The following INO80 variants were observed in gnomAD, a reference collection of about 807,000 sequenced individuals.
INO80 encodes chromatin-remodeling ATPase INO80.
Under a neutral mutation model 203.4 loss-of-function variants are expected in INO80, and 20 were observed. The observed-to-expected ratio is 0.10, with a 90% CI of 0.07 to 0.14. INO80 has a LOEUF of 0.14. Among genes scored for constraint, INO80 ranks in the 10% least tolerant of loss-of-function variants. The probability of loss-of-function intolerance (pLI) is 1.00; values close to 1 mark genes in which losing one functional copy is unlikely to be tolerated. For synonymous variants in INO80, 726 were observed against 685.2 expected, an observed-to-expected ratio of 1.06 and a Z score of -0.93; for missense variants, 1,419 against 1,914.4, an observed-to-expected ratio of 0.74 and a Z score of 4.83.
At chr15:41,095,215 CCTGTAATCCCAGCTA>C (rs1342807353) in intron 4 of INO80, among the ~76,000 whole-genome samples, 1 of 152,138 alleles carries the variant, frequency 6.6e-6, no homozygotes, top group Non-Finnish European at 1.5e-5. Flanking sequence ...GTGGCGCATG[CCTGTAATCCCAGCTA>C]CTCAGGAGGC....
In INO80 at chr15:41,069,515, AGTC is replaced by A. The variant is rs1339153768; in HGVS notation, c.1782+52_1782+54del. ...GTAATTAGTAGGGCAAGAAAAGGAG[AGTC>A]AAAAAGTTTATTTTAAAGAGCAATA... On this transcript the variant is annotated intron_variant, in intron 14 of 35. Transcript: ENST00000648947. 1.6e-5 allele frequency: 17 copies of A among 1,043,622 alleles called. No individual in the cohort carries two copies. The East Asian group carries it at 4.2e-4, about 26-fold the overall frequency. The allele number at this position is 1,043,622 out of a possible 1,614,324, so 64.6% of individuals were successfully genotyped here.
chr15:41,080,107 T>A (rs1468173016), intron 8 of INO80, among the ~76,000 whole-genome samples: 1 of 152,190 alleles, frequency 6.6e-6, no homozygotes, highest in Non-Finnish European at 1.5e-5. Flanking sequence ...ATAAGAAATC[T>A]ATCCAATTTC....
chr15:41,041,460 G>C (rs1289168154), intron 24 of INO80, among the ~76,000 whole-genome samples: 13 of 148,404 alleles, frequency 8.8e-5, no homozygotes, highest in Admixed American at 2.7e-4. Context: ...CTTTTTTTGA[G>C]ACGGAGTTTT....
chr15:40,998,184 C>A (rs2043907157), intron 28 of INO80, among the ~76,000 whole-genome samples: 16 of 151,756 alleles, frequency 1.1e-4, no homozygotes, highest in Admixed American at 1.1e-3. Context: ...ACCACACCTG[C>A]CTAATTTTTA....
chr15:41,065,817 C>A (rs1185606292), intron 14 of INO80, among the ~76,000 whole-genome samples: 1 of 152,026 alleles, frequency 6.6e-6, no homozygotes, highest in Non-Finnish European at 1.5e-5. Context: ...ATAAGCAAAT[C>A]CAGCCACAGC....
At chr15:41,038,439 C>T (rs1238939326) in intron 24 of INO80, among the ~76,000 whole-genome samples, 1 of 152,156 alleles carries the variant, frequency 6.6e-6, no homozygotes, top group Non-Finnish European at 1.5e-5. Flanking sequence ...TTCTCTACAC[C>T]TCCTAACCAG....
Position 41,050,003 on chromosome 15 carries a change from T to C in INO80, c.2374A>G (p.Met792Val), listed in dbSNP as rs951946891. 2.5e-6 allele frequency: 4 copies of C among 1,614,032 alleles called. No individual in the cohort carries two copies. Among genetic ancestry groups the C allele is most frequent in the South Asian group, 1.1e-5 (1 of 91,082 alleles). Residue 792 changes from methionine (M) to valine (V), a missense_variant, in exon 20 of 36, where the codon ATG becomes GTG. Coordinates refer to ENST00000648947, the MANE Select transcript of INO80 (RefSeq NM_017553.3). ...ISIEDLLQSS[M>V]GSTQQAQNTT... is the part of the protein sequence containing the mutation. ...TTCTGTGCTTGTTGGGTAGAGCCCA[T>C]AGAAGACTGCAATAAATCCTCAATG...
At chr15:41,025,607 T>A (rs2044363963) in intron 25 of INO80, among the ~76,000 whole-genome samples, 1 of 152,056 alleles carries the variant, frequency 6.6e-6, no homozygotes, top group African/African-American at 2.4e-5. Flanking sequence ...CCCAGCTACC[T>A]GGGGGGCTGA....
rs1212416933 is a variant in INO80, at chr15:41,039,746, T to C, written c.2907+5158A>G. 2.0e-5 allele frequency among the ~76,000 whole-genome samples: 3 copies of C among 152,206 alleles called. No individual in the cohort carries two copies. The South Asian group carries it at 6.2e-4, about 31-fold the overall frequency. On this transcript the variant is annotated intron_variant, in intron 24 of 35. Coordinates refer to ENST00000648947, the MANE Select transcript of INO80 (RefSeq NM_017553.3). ...ACCTTTGAGGTCAAATAATTTAAAATAGTTTGAAAAACAATGTACAGCATG... is the reference window on the plus strand; with the variant it reads ...ACCTTTGAGGTCAAATAATTTAAAACAGTTTGAAAAACAATGTACAGCATG...
intron 33 of INO80, 34 bp downstream of exon 33, chr15:40,984,163 C>G (rs569617998): frequency 6.2e-7 from 1 of 1,606,166 alleles, no homozygotes; most frequent in Non-Finnish European, 8.5e-7. Context: ...ACACTCCTTA[C>G]GGCTGTGATG....
At chr15:40,983,180 ATT>A in intron 34 of INO80, 103 bp from the exon 35 acceptor site, 1 of 937,060 alleles carries the variant, frequency 1.1e-6, no homozygotes, top group South Asian at 1.6e-5. Context: ...CTCTTAGGGC[ATT>A]TGTTTTAGGA....
intron 16 of INO80, 55 bp downstream of exon 16, chr15:41,058,570 CGTGTGTGTGTGTGT>C (rs67053863): frequency 3.7e-6 from 2 of 542,722 alleles, no homozygotes; most frequent in Admixed American, 3.1e-5. Context: ...TGTGTGTGTG[CGTGTGTGTGTGTGT>C]GTGTGTGTGT....
intron 1 of INO80, among the ~76,000 whole-genome samples, chr15:41,111,158 A>T (rs2045953014): frequency 6.6e-6 from 1 of 152,202 alleles, no homozygotes; most frequent in African/African-American, 2.4e-5. Context: ...CTTAAAAAAT[A>T]AAATAGGCCA....
intron 11 of INO80, among the ~76,000 whole-genome samples, chr15:41,072,463 G>A (rs1225571008): frequency 6.6e-6 from 1 of 151,796 alleles, no homozygotes; most frequent in Non-Finnish European, 1.5e-5. Context: ...GCTCACGCCT[G>A]TAATCCCAGC....
chr15:41,101,546 T>C (rs1159593877), intron 1 of INO80, among the ~76,000 whole-genome samples: 2 of 151,332 alleles, frequency 1.3e-5, no homozygotes, highest in Non-Finnish European at 2.9e-5. Flanking sequence ...AGACTTTATT[T>C]GTAACTTTTT....
rs140642080 is a variant in INO80 at position 41,056,967 on chromosome 15, T to G, written c.1986-261A>C. Among the ~76,000 whole-genome samples the G allele has an allele frequency of 4.2e-3, 634 of 152,338 alleles. 4 individuals are homozygous for G. Among genetic ancestry groups the G allele is most frequent in the Admixed American group, 5.7e-3 (87 of 15,302 alleles). ...CAAATAGGCAGAGTTGTATCATTTC[T>G]GGCTTTATAAACTCTTCTATTATCT... On this transcript the variant is annotated intron_variant, in intron 16 of 35. Coordinates refer to ENST00000648947, the MANE Select transcript of INO80 (RefSeq NM_017553.3).
At chr15:41,076,461 ACTTT>A (rs901514553) in intron 9 of INO80, among the ~76,000 whole-genome samples, 8 of 146,114 alleles carry the variant, frequency 5.5e-5, no homozygotes, top group Non-Finnish European at 7.4e-5. Context: ...ACATGTGCAA[ACTTT>A]CTTTTTTTTT....
At chr15:41,099,262 A>C (rs1184038328) in intron 1 of INO80, among the ~76,000 whole-genome samples, 33 of 129,622 alleles carry the variant, frequency 2.5e-4, no homozygotes, top group African/African-American at 7.8e-4. Context: ...AAAAAAAAAA[A>C]AAAAACAAAC....
chr15:41,022,868 G>C (rs1438510110), intron 25 of INO80, among the ~76,000 whole-genome samples: 1 of 152,168 alleles, frequency 6.6e-6, no homozygotes, highest in Non-Finnish European at 1.5e-5. Context: ...TTGGAAGGCT[G>C]AGGTGGCAGA....
Sources: gnomAD v4.1 joint callset for allele counts (sites outside exome capture counted in the v4.1 genomes callset) on GRCh38, gnomAD v4.1.1 for gene constraint, MANE v1.5 for transcripts, NCBI Gene and HGNC (gene_info 2026-07-23, HGNC 2026-07-21) for gene names.